LRRC4B: variants seen among roughly 807,000 people sequenced by gnomAD.
The protein encoded by LRRC4B is leucine rich repeat containing 4B.
LRRC4B carries 1 observed loss-of-function variant against 7.3 expected under a neutral mutation model. The ratio of observed to expected loss-of-function variants is 0.14; its 90% CI spans 0.05 to 0.65. LRRC4B has a LOEUF of 0.65. LRRC4B is among the 30% of genes least tolerant of loss of function. The pLI, the probability that LRRC4B is intolerant of heterozygous loss-of-function variation, is 0.84. For missense variants in LRRC4B, 730 were observed against 1,041.6 expected (o/e 0.70, Z 4.12); for synonymous variants, 500 against 499.2 (o/e 1.00, Z -0.02).
chr19:50,524,580 A>G (rs1230582104), intron 2 of LRRC4B, among the ~76,000 whole-genome samples: 1 of 152,178 alleles, frequency 6.6e-6, no homozygotes, highest in Non-Finnish European at 1.5e-5. Context: ...AATTTCCTAG[A>G]AGCCACATTG....
In LRRC4B at chr19:50,537,140, T is replaced by C. The variant is rs1307124738; in HGVS notation, c.297+11402A>G. Among the ~76,000 whole-genome samples, 1 of 152,122 alleles carries C rather than the reference T, an allele frequency of 6.6e-6. No individual in the cohort carries two copies. The highest frequency in any genetic ancestry group is 1.5e-5 in the Non-Finnish European group (1 of 68,012). On this transcript the variant is annotated intron_variant, in intron 2 of 2. Coordinates refer to ENST00000652263, the MANE Select transcript of LRRC4B (RefSeq NM_001080457.2). The surrounding 1 kb of genome is among the most constrained non-coding windows in gnomAD (Gnocchi z 5.5). ...AGTCACCAGGGTGCAGCGCCAGGGA[T>C]AGCTACGAATTAGGAAGCATTACGA...
intron 2 of LRRC4B, among the ~76,000 whole-genome samples, chr19:50,542,546 A>G (rs1243793306): frequency 7.1e-6 from 1 of 140,268 alleles, no homozygotes; most frequent in East Asian, 2.1e-4. Flanking sequence ...GTGTGATCTC[A>G]GCTCACTGCA....
In LRRC4B at chr19:50,548,091, A is replaced by T. The variant is rs535144209; in HGVS notation, c.297+451T>A. On this transcript the variant is annotated intron_variant, in intron 2 of 2. Coordinates refer to ENST00000652263, the MANE Select transcript of LRRC4B (RefSeq NM_001080457.2). This position sits in a 1 kb window ranked among gnomAD's most constrained non-coding sequence, Gnocchi z 6.8. Reference sequence around the variant, plus strand: ...CATCAGCCCTCACAGCAACACCTCAACGCAGGGGCTTGCATTGTCCCCGCT... The same window carrying T: ...CATCAGCCCTCACAGCAACACCTCATCGCAGGGGCTTGCATTGTCCCCGCT... Among the ~76,000 whole-genome samples, 134 of 152,268 alleles carry T rather than the reference A, an allele frequency of 8.8e-4. No individual in the cohort carries two copies. The highest frequency in any genetic ancestry group is 3.0e-3 in the African/African-American group (123 of 41,562).
intron 2 of LRRC4B, among the ~76,000 whole-genome samples, chr19:50,521,405 T>C (rs1473242908): frequency 6.6e-6 from 1 of 152,106 alleles, no homozygotes; most frequent in Non-Finnish European, 1.5e-5. Context: ...GGATATTTTA[T>C]TCCATGCCAG....
intron 2 of LRRC4B, among the ~76,000 whole-genome samples, chr19:50,544,624 A>C (rs1353775098): frequency 1.3e-5 from 2 of 152,224 alleles, no homozygotes; most frequent in Non-Finnish European, 2.9e-5. Flanking sequence ...AGGGTGTCCG[A>C]ATGCAAAGAC....
chr19:50,517,707 G>A lies in LRRC4B; in HGVS notation c.2006C>T (p.Ala669Val), dbSNP rs1980341252. ...HLNHHHYVAA[A>V]FKAHYSSNPS... ...GTTGCTGCTGTAGTGCGCCTTGAAGGCGGCAGCCACGTAGTGGTGGTGGTT... is the reference window on the plus strand; with the variant it reads ...GTTGCTGCTGTAGTGCGCCTTGAAGACGGCAGCCACGTAGTGGTGGTGGTT... Residue 669 changes from alanine to valine, a missense_variant, in exon 3 of 3, where the codon GCC becomes GTC. Transcript: ENST00000652263. This position sits in a 1 kb window ranked among gnomAD's most constrained non-coding sequence, Gnocchi z 6.6. 1.9e-6 allele frequency: 3 copies of A among 1,553,504 alleles called. No homozygotes were observed. Among genetic ancestry groups the A allele is most frequent in the Non-Finnish European group, 2.6e-6 (3 of 1,151,672 alleles).
intron 1 of LRRC4B, among the ~76,000 whole-genome samples, chr19:50,554,630 G>A (rs1982210538): frequency 6.6e-6 from 1 of 152,142 alleles, no homozygotes; most frequent in South Asian, 2.1e-4. Context: ...TCTGACTTGC[G>A]TGAACTCACT....
chr19:50,561,997 A>ACTCAGGAGCCTGAG (rs879496377), intron 1 of LRRC4B, among the ~76,000 whole-genome samples: 22,962 of 151,776 alleles, frequency 0.15, 2,381 homozygotes, highest in Admixed American at 0.29. Context: ...GCGTGCCTGT[A>ACTCAGGAGCCTGAG]GTCTCAGCTA....
At chr19:50,549,930 G>C (rs1026303101) in intron 1 of LRRC4B, among the ~76,000 whole-genome samples, 1 of 152,256 alleles carries the variant, frequency 6.6e-6, no homozygotes, top group South Asian at 2.1e-4. Context: ...AGACAGCGGG[G>C]ACTCGGGCCC....
intron 1 of LRRC4B, chr19:50,551,164 A>T (rs1264982617): frequency 9.5e-6 from 1 of 105,284 alleles, no homozygotes; most frequent in Admixed American, 1.1e-4. Flanking sequence ...TTTTCTCCCC[A>T]CAACCCCACG....
intron 2 of LRRC4B, among the ~76,000 whole-genome samples, chr19:50,530,938 G>T (rs1011384993): frequency 1.1e-4 from 16 of 149,910 alleles, no homozygotes; most frequent in African/African-American, 3.2e-4. Flanking sequence ...TGGGGGGGGG[G>T]GGTCTCTCTA....
chr19:50,530,928 TGG>T lies in LRRC4B; in HGVS notation c.298-11515_298-11514del, dbSNP rs35771555. Among the ~76,000 whole-genome samples the T allele has an allele frequency of 5.7e-3, 634 of 111,698 alleles. 12 individuals carry two copies. The highest frequency in any genetic ancestry group is 0.013 in the African/African-American group (361 of 28,058). The allele number at this position is 111,698 out of a possible 152,430, so 73.3% of individuals were successfully genotyped here. ...ATTTTTTGTATTTTTAGTAGAAACC[TGG>T]GGGGGGGGGGTCTCTCTATGTTGGT... On this transcript the variant is annotated intron_variant, in intron 2 of 2. Transcript: ENST00000652263.
intron 2 of LRRC4B, among the ~76,000 whole-genome samples, chr19:50,536,022 C>T (rs1981267882): frequency 6.6e-6 from 1 of 152,148 alleles, no homozygotes; most frequent in Non-Finnish European, 1.5e-5. Context: ...AGCTGAGGCA[C>T]AGGCCATGGG....
chr19:50,531,321 C>T (rs554093275), intron 2 of LRRC4B, among the ~76,000 whole-genome samples: 9 of 152,348 alleles, frequency 5.9e-5, no homozygotes, highest in African/African-American at 2.2e-4. Flanking sequence ...ACCTGGGGCT[C>T]CAGCCCACAG....
Position 50,518,405 on chromosome 19 carries a change from G to T in LRRC4B, c.1308C>A (p.Cys436Ter). The T allele has an allele frequency of 6.3e-7, 1 of 1,577,356 alleles. No individual in the cohort carries two copies. The change falls in exon 3 of 3, where the codon TGC becomes TGA. Residue 436 changes from cysteine (C) to a stop codon, truncating the protein, a stop_gained. Coordinates refer to ENST00000652263, the MANE Select transcript of LRRC4B (RefSeq NM_001080457.2). LOFTEE classifies it low-confidence loss of function (END_TRUNC). ...TGTTGCCGGCTGAGTTCGTCACCAT[G>T]CACGTGTACTGGCCCGTGTCCTGCA... ...VTVQDTGQYT[C>*]MVTNSAGNTT... is the part of the protein sequence containing the mutation.
At chr19:50,561,491 T>C (rs756524620) in intron 1 of LRRC4B, among the ~76,000 whole-genome samples, 5 of 152,190 alleles carry the variant, frequency 3.3e-5, no homozygotes, top group Admixed American at 6.5e-5. Context: ...CCCAGCACTT[T>C]GGGAGGCCAA....
chr19:50,521,875 T>C (rs1297726636), intron 2 of LRRC4B, among the ~76,000 whole-genome samples: 4 of 151,540 alleles, frequency 2.6e-5, no homozygotes, highest in African/African-American at 4.8e-5. Flanking sequence ...ATACATAGTT[T>C]TAAAAATGAA....
At chr19:50,529,497 A>G (rs551113851) in intron 2 of LRRC4B, among the ~76,000 whole-genome samples, 3 of 152,168 alleles carry the variant, frequency 2.0e-5, no homozygotes, top group African/African-American at 7.2e-5. Flanking sequence ...AATGAGGTGG[A>G]CTTTAAAAGA....
chr19:50,525,610 G>A (rs1294369978), intron 2 of LRRC4B, among the ~76,000 whole-genome samples: 1 of 150,360 alleles, frequency 6.7e-6, no homozygotes, highest in African/African-American at 2.5e-5. Flanking sequence ...GTAGAGACGA[G>A]GGTTTTATCA....
Sources: gnomAD v4.1 joint callset for allele counts (sites outside exome capture counted in the v4.1 genomes callset) on GRCh38, gnomAD v4.1.1 for gene constraint, Gnocchi (gnomAD v3.1) non-coding constraint, MANE v1.5 for transcripts, NCBI Gene and HGNC (gene_info 2026-07-23, HGNC 2026-07-21) for gene names.